Variants in COL3A1 observed in about 807,000 individuals in gnomAD.
COL3A1 encodes collagen alpha-1(III) chain.
Under a neutral mutation model 200.9 loss-of-function variants are expected in COL3A1, and 46 were observed. The observed-to-expected ratio is 0.23, with a 90% CI of 0.18 to 0.29. The LOEUF (loss-of-function observed/expected upper bound fraction) is 0.29. Ranked by LOEUF, COL3A1 falls within the 10% of genes least tolerant of loss-of-function variation. The pLI is 1.00. For synonymous variants in COL3A1, 650 were observed against 628.0 expected, an observed-to-expected ratio of 1.03 and a Z score of -0.52; for missense variants, 1,367 against 1,917.6, an observed-to-expected ratio of 0.71 and a Z score of 5.36.
At chr2:189,007,075 C>G (rs1688602275) in intron 44 of COL3A1, 85 bp downstream of exon 44, 1 of 685,806 alleles carries the variant, frequency 1.5e-6, no homozygotes, top group Non-Finnish European at 2.2e-6. Flanking sequence ...TATTTTCCAG[C>G]GTGTTCAGGA....
chr2:188,985,342 T>G, intron 3 of COL3A1, 95 bp downstream of exon 3: 1 of 952,490 alleles, frequency 1.0e-6, no homozygotes, highest in Non-Finnish European at 1.7e-6. Flanking sequence ...TCATACATTC[T>G]CTTCATTACC....
Position 188,994,341 on chromosome 2 carries a change from C to T in COL3A1, c.1293+9C>T. 2 of 1,613,322 alleles carry T rather than the reference C, an allele frequency of 1.2e-6. No homozygotes were observed. Among genetic ancestry groups the T allele is most frequent in the South Asian group, 1.1e-5 (1 of 91,044 alleles). On this transcript the variant is annotated intron_variant, in intron 18 of 50. Transcript: ENST00000304636. This position sits in a 1 kb window ranked among gnomAD's most constrained non-coding sequence, Gnocchi z 4.5. ...GACTGCGAGGTGGTGCAGTAAGTTG[C>T]CTTGTTTTTTCTCTGTTGACTGAAA...
At chr2:189,001,708 C>A (rs954806553) in intron 34 of COL3A1, 119 bp downstream of exon 34, 5 of 1,003,418 alleles carry the variant, frequency 5.0e-6, no homozygotes, top group Non-Finnish European at 6.3e-6. Flanking sequence ...GAGATATTAT[C>A]TTCAAAAACC....
At chr2:188,986,112 G>A (rs1202072750) in intron 4 of COL3A1, among the ~76,000 whole-genome samples, 1 of 151,960 alleles carries the variant, frequency 6.6e-6, no homozygotes, top group Non-Finnish European at 1.5e-5. Context: ...AGTTAGTACT[G>A]TATCCATACT....
intron 6 of COL3A1, 90 bp downstream of exon 6, chr2:188,988,224 G>A (rs1411366669): frequency 1.1e-5 from 12 of 1,133,258 alleles, no homozygotes; most frequent in Non-Finnish European, 1.6e-5. Context: ...ATTCCAGCAT[G>A]CATAATCCCA....
At chr2:188,996,008 T>G in intron 22 of COL3A1, 117 bp from the exon 23 acceptor site, 2 of 1,052,564 alleles carry the variant, frequency 1.9e-6, no homozygotes, top group South Asian at 2.7e-5. Flanking sequence ...GGAAAAAAGA[T>G]GTGCAAATCT....
At chr2:188,999,815 C>T in intron 31 of COL3A1, 27 bp from the exon 32 acceptor site, 3 of 1,585,512 alleles carry the variant, frequency 1.9e-6, no homozygotes, top group Non-Finnish European at 1.7e-6. Context: ...TACTTTGAAT[C>T]TGATGACATT....
In COL3A1 at chr2:188,994,460, A is replaced by T; in HGVS notation, c.1294-81A>T. ...TGACTTCACTCTTGTCTTATAACTTATAACTGAATTATGTGTTACTGGTGA... is the reference window on the plus strand; with the variant it reads ...TGACTTCACTCTTGTCTTATAACTTTTAACTGAATTATGTGTTACTGGTGA... On this transcript the variant is annotated intron_variant, in intron 18 of 50. Coordinates refer to ENST00000304636, the MANE Select transcript of COL3A1 (RefSeq NM_000090.4). The surrounding 1 kb of genome is among the most constrained non-coding windows in gnomAD (Gnocchi z 4.5). 1 of 1,576,588 alleles carries T rather than the reference A, an allele frequency of 6.3e-7. No homozygotes were observed. Among genetic ancestry groups the T allele is most frequent in the Non-Finnish European group, 8.7e-7 (1 of 1,146,518 alleles).
intron 1 of COL3A1, among the ~76,000 whole-genome samples, chr2:188,983,138 T>C (rs545483809): frequency 3.7e-4 from 56 of 152,086 alleles, no homozygotes; most frequent in Non-Finnish European, 6.0e-4. Flanking sequence ...GAAATGTATA[T>C]AGAAAATATA....
chr2:188,988,561 T>C, intron 6 of COL3A1, 29 bp from the exon 7 acceptor site: 2 of 1,517,770 alleles, frequency 1.3e-6, no homozygotes, highest in Non-Finnish European at 1.8e-6. Context: ...TTTGTTACTT[T>C]AAAATTATTT....
At chr2:189,010,454 G>C (rs1013947042) in intron 49 of COL3A1, 89 bp downstream of exon 49, 1 of 1,543,094 alleles carries the variant, frequency 6.5e-7, no homozygotes, top group Admixed American at 1.7e-5. Flanking sequence ...AAGTTACTAG[G>C]TTGGTACAAA....
chr2:189,005,717 A>C, intron 41 of COL3A1: 1 of 437,464 alleles, frequency 2.3e-6, no homozygotes, highest in Non-Finnish European at 4.2e-6. Flanking sequence ...GGGGAGAACC[A>C]CAATTGACAT....
chr2:188,979,753 G>A (rs1687910428), intron 1 of COL3A1, among the ~76,000 whole-genome samples: 1 of 151,804 alleles, frequency 6.6e-6, no homozygotes, highest in Non-Finnish European at 1.5e-5. Flanking sequence ...GAGCTTTGGA[G>A]TTGGCTTCTT....
At chr2:188,983,696 C>A (rs967509101) in intron 1 of COL3A1, among the ~76,000 whole-genome samples, 3 of 151,800 alleles carry the variant, frequency 2.0e-5, no homozygotes, top group Non-Finnish European at 4.4e-5. Flanking sequence ...AATATCTTGG[C>A]TTTGAGAAAA....
intron 42 of COL3A1, 43 bp downstream of exon 42, chr2:189,006,302 A>G (rs764077518): frequency 6.2e-7 from 1 of 1,614,130 alleles, no homozygotes; most frequent in South Asian, 1.1e-5. Flanking sequence ...TATCAAAATA[A>G]GTGATCATCA....
chr2:189,005,580 T>C (rs778534046), intron 41 of COL3A1, 123 bp downstream of exon 41: 5 of 780,398 alleles, frequency 6.4e-6, no homozygotes, highest in Non-Finnish European at 1.1e-5. Flanking sequence ...CTTCTATCTC[T>C]AATAACAGAA....
In COL3A1 at chr2:189,011,719, T is replaced by C. The variant is rs932369090; in HGVS notation, c.4346T>C (p.Ile1449Thr). 18 of 1,613,900 alleles carry C rather than the reference T, an allele frequency of 1.1e-5. No individual in the cohort carries two copies. Among genetic ancestry groups the C allele is most frequent in the African/African-American group, 8.0e-5 (6 of 74,912 alleles). Reference sequence around the variant, plus strand: ...ATTGTAGATATTGCACCCTATGACATTGGTGGTCCTGATCAAGAATTTGGT... The same window carrying C: ...ATTGTAGATATTGCACCCTATGACACTGGTGGTCCTGATCAAGAATTTGGT... ...LPIVDIAPYD[I>T]GGPDQEFGVD... The change falls in exon 51 of 51, where the codon ATT becomes ACT. Residue 1449 changes from isoleucine to threonine, a missense_variant. Coordinates refer to ENST00000304636, the MANE Select transcript of COL3A1 (RefSeq NM_000090.4).
At chr2:188,990,704 C>A (rs1688170256) in intron 10 of COL3A1, among the ~76,000 whole-genome samples, 1 of 152,118 alleles carries the variant, frequency 6.6e-6, no homozygotes, top group Non-Finnish European at 1.5e-5. Flanking sequence ...GTACATTCAA[C>A]CAACTGTGCC....
At chr2:188,997,993 A>G (rs985479724) in intron 27 of COL3A1, among the ~76,000 whole-genome samples, 1 of 152,240 alleles carries the variant, frequency 6.6e-6, no homozygotes, top group African/African-American at 2.4e-5. Context: ...TATTTTTATT[A>G]TAACATAAAT....
Sources: allele counts gnomAD v4.1 joint callset (sites outside exome capture counted in the v4.1 genomes callset), GRCh38; gene constraint gnomAD v4.1.1; non-coding constraint Gnocchi (gnomAD v3.1); transcripts MANE v1.5; gene names NCBI Gene and HGNC (gene_info 2026-07-23, HGNC 2026-07-21).